The following CD200R1L variants were observed in gnomAD, a reference collection of about 807,000 sequenced individuals.
CD200R1L encodes CD200 receptor 1 like.
In CD200R1L, 14 loss-of-function variants were observed where a neutral mutation model predicts 24.8. That is an observed-to-expected ratio of 0.56 (90% CI 0.37 to 0.88). The LOEUF is 0.88. CD200R1L is among the 40% of genes least tolerant of loss of function. The probability of loss-of-function intolerance (pLI) is 0.00; values close to 1 mark genes in which losing one functional copy is unlikely to be tolerated. For missense variants in CD200R1L, 299 were observed against 297.8 expected (o/e 1.00, Z -0.03); for synonymous variants, 111 against 109.2 (o/e 1.02, Z -0.11).
At chr3:112,829,784 A>G (rs1424636009) in intron 3 of CD200R1L, among the ~76,000 whole-genome samples, 1 of 152,210 alleles carries the variant, frequency 6.6e-6, no homozygotes, top group Admixed American at 6.5e-5. Flanking sequence ...ATTTCTCTGC[A>G]CATTTTTTTT....
At chr3:112,836,697 A>G (rs1457517723) in intron 3 of CD200R1L, among the ~76,000 whole-genome samples, 1 of 152,210 alleles carries the variant, frequency 6.6e-6, no homozygotes, top group African/African-American at 2.4e-5. Flanking sequence ...AAATTAGGTA[A>G]AGTATATTAG....
chr3:112,829,319 C>G lies in CD200R1L; in HGVS notation c.49G>C (p.Gly17Arg). The change falls in exon 4 of 8, where the codon GGT becomes CGT. Residue 17 changes from glycine (G) to arginine (R), a missense_variant and splice_region_variant. Transcript: ENST00000488794. ...GGCCACTACTAAGGGAGCATATTAC[C>G]TTCTGCAAAAATTGTTGAATAGTTC... ...TQNYSTIFAE[G>R]NISQPVLMDI... 1 of 1,613,120 alleles carries G rather than the reference C, an allele frequency of 6.2e-7. No individual in the cohort carries two copies. Among genetic ancestry groups the G allele is most frequent in the Non-Finnish European group, 8.5e-7 (1 of 1,179,054 alleles).
chr3:112,824,603 G>A (rs1467289914), intron 6 of CD200R1L, among the ~76,000 whole-genome samples: 2 of 152,030 alleles, frequency 1.3e-5, no homozygotes, highest in East Asian at 3.8e-4. Flanking sequence ...ATGAATAGAA[G>A]AAATAAATCT....
At chr3:112,838,927 C>G (rs1250580041) in intron 2 of CD200R1L, among the ~76,000 whole-genome samples, 2 of 152,156 alleles carry the variant, frequency 1.3e-5, no homozygotes, top group Non-Finnish European at 2.9e-5. Context: ...AAAAAATTCT[C>G]TTTAAGGCTG....
At chr3:112,837,480 T>C (rs1452626064) in intron 3 of CD200R1L, among the ~76,000 whole-genome samples, 2 of 152,214 alleles carry the variant, frequency 1.3e-5, no homozygotes, top group Non-Finnish European at 2.9e-5. Flanking sequence ...CTGCTTCTAT[T>C]GGCTGAACAT....
intron 4 of CD200R1L, 31 bp downstream of exon 4, chr3:112,829,288 A>G: frequency 6.4e-7 from 1 of 1,561,760 alleles, no homozygotes; most frequent in Non-Finnish European, 8.8e-7. Context: ...TCCATCCCTC[A>G]GTGCTGGCCA....
intron 7 of CD200R1L, among the ~76,000 whole-genome samples, chr3:112,818,270 A>G (rs1056624590): frequency 5.3e-5 from 8 of 152,204 alleles, no homozygotes; most frequent in Admixed American, 2.0e-4. Flanking sequence ...TAGAAGATAC[A>G]AGGATTTCAC....
chr3:112,819,172 C>G (rs1287111477), intron 7 of CD200R1L, among the ~76,000 whole-genome samples: 1 of 152,106 alleles, frequency 6.6e-6, no homozygotes, highest in Non-Finnish European at 1.5e-5. Context: ...TCCCATGATC[C>G]AATCACCTAC....
intron 2 of CD200R1L, among the ~76,000 whole-genome samples, chr3:112,843,453 C>G (rs1386839017): frequency 6.6e-6 from 1 of 152,198 alleles, no homozygotes; most frequent in Non-Finnish European, 1.5e-5. Flanking sequence ...GGATTTCATA[C>G]TCTCCAAACT....
At chr3:112,838,059 T>C (rs1938999057) in intron 2 of CD200R1L, 49 bp from the exon 3 acceptor site, 2 of 758,580 alleles carry the variant, frequency 2.6e-6, no homozygotes, top group Admixed American at 6.5e-5. Context: ...GAACTTTTCT[T>C]TACTGAAATG....
chr3:112,832,069 C>T (rs1421392284), intron 3 of CD200R1L, among the ~76,000 whole-genome samples: 1 of 152,154 alleles, frequency 6.6e-6, no homozygotes, highest in African/African-American at 2.4e-5. Flanking sequence ...ATCTGAAAAC[C>T]ACACTTTGAG....
chr3:112,835,495 T>C (rs1269132167), intron 3 of CD200R1L, among the ~76,000 whole-genome samples: 4 of 152,216 alleles, frequency 2.6e-5, no homozygotes, highest in Non-Finnish European at 5.9e-5. Flanking sequence ...TGCATGCCAG[T>C]TGGTCCATGG....
chr3:112,824,694 A>C (rs1938615636), intron 6 of CD200R1L, among the ~76,000 whole-genome samples: 1 of 152,218 alleles, frequency 6.6e-6, no homozygotes, highest in Admixed American at 6.5e-5. Flanking sequence ...AGAAAGGAGC[A>C]TTGTGTCAGA....
At chr3:112,843,671 G>T (rs1389834554) in intron 2 of CD200R1L, among the ~76,000 whole-genome samples, 1 of 152,202 alleles carries the variant, frequency 6.6e-6, no homozygotes, top group Non-Finnish European at 1.5e-5. Context: ...ACCAGCTAAT[G>T]ACATCACAAC....
At chr3:112,820,212 C>T (rs114650092) in intron 6 of CD200R1L, among the ~76,000 whole-genome samples, 2,282 of 152,300 alleles carry the variant, frequency 0.015, 52 homozygotes, top group African/African-American at 0.052. Context: ...TATATTCCAA[C>T]TTCCCATGCA....
chr3:112,823,197 G>A (rs75738162), intron 6 of CD200R1L, among the ~76,000 whole-genome samples: 5,487 of 152,230 alleles, frequency 0.036, 123 homozygotes, highest in African/African-American at 0.06. Flanking sequence ...CCATTCCTTT[G>A]GAGTCTGTGT....
At position 112,819,913 on chromosome 3, in the gene CD200R1L, G is replaced by A. The variant is rs1311771408; in HGVS notation, c.617-18C>T. On this transcript the variant is annotated intron_variant, in intron 6 of 7. Coordinates refer to ENST00000488794, the MANE Select transcript of CD200R1L (RefSeq NM_001199215.3). ...TCTGAGACCTTTAAATACAGACAGG[G>A]GTGAAAAATCATTTCAAGCATTCTT... The A allele has an allele frequency of 7.8e-6, 12 of 1,547,196 alleles. No individual in the cohort carries two copies. The East Asian group carries it at 9.4e-5, about 12-fold the overall frequency.
At chr3:112,818,149 T>C (rs1231106016) in intron 7 of CD200R1L, among the ~76,000 whole-genome samples, 1 of 152,120 alleles carries the variant, frequency 6.6e-6, no homozygotes, top group African/African-American at 2.4e-5. Flanking sequence ...CCAAAACATA[T>C]CAACTTGCTA....
At chr3:112,844,671 A>T (rs1045077836) in intron 2 of CD200R1L, among the ~76,000 whole-genome samples, 3 of 152,180 alleles carry the variant, frequency 2.0e-5, no homozygotes, top group Non-Finnish European at 2.9e-5. Flanking sequence ...TCACGCCTGT[A>T]ATCCCAGCAC....
Sources: allele counts gnomAD v4.1 joint callset (sites outside exome capture counted in the v4.1 genomes callset), GRCh38; gene constraint gnomAD v4.1.1; transcripts MANE v1.5; gene names NCBI Gene and HGNC (gene_info 2026-07-23, HGNC 2026-07-21).